Variants in ZNF726 observed in about 807,000 individuals in gnomAD.
ZNF726 encodes the protein zinc finger protein 92 pseudogene 3.
Under a neutral mutation model 11.6 loss-of-function variants are expected in ZNF726, and 15 were observed. That is an observed-to-expected ratio of 1.29 (90% confidence interval 0.86 to 1.99). The LOEUF is 1.99. Among genes scored for constraint, ZNF726 ranks in the 30% most tolerant of loss-of-function variants. The pLI is 0.00. For missense variants in ZNF726, 890 were observed against 725.6 expected (o/e 1.23, Z -2.60); for synonymous variants, 295 against 243.6 (o/e 1.21, Z -1.96).
chr19:23,934,774 CCT>C (rs1396251542), downstream of ZNF726, among the ~76,000 whole-genome samples: 1 of 152,146 alleles, frequency 6.6e-6, no homozygotes, highest in Non-Finnish European at 1.5e-5. Flanking sequence ...GAAAAGGCTC[CCT>C]CTCTCACAGA....
intron 3 of ZNF726, among the ~76,000 whole-genome samples, chr19:23,942,151 T>G (rs1031964346): frequency 6.6e-6 from 1 of 152,144 alleles, no homozygotes; most frequent in Non-Finnish European, 1.5e-5. Context: ...AGGTTTTGAT[T>G]GGTTGTGTCA....
At chr19:23,940,191 T>C (rs1367433606) in intron 3 of ZNF726, among the ~76,000 whole-genome samples, 1 of 152,196 alleles carries the variant, frequency 6.6e-6, no homozygotes, top group East Asian at 1.9e-4. Context: ...TTGATTTTCA[T>C]ATAAGGTGAG....
At chr19:23,925,335 T>C (rs904163191) in intron 3 of ZNF726, among the ~76,000 whole-genome samples, 1 of 152,132 alleles carries the variant, frequency 6.6e-6, no homozygotes, top group African/African-American at 2.4e-5. Flanking sequence ...ACATCTTTAT[T>C]TTCCACCGAC....
At chr19:23,939,164 C>T (rs938653018), downstream of ZNF726, among the ~76,000 whole-genome samples, 8 of 151,100 alleles carry the variant, frequency 5.3e-5, no homozygotes, top group African/African-American at 1.7e-4. Flanking sequence ...TTTTATCATT[C>T]TTATACCTTT....
rs944943097 is a variant in ZNF726, at chr19:23,934,389, A to G, written c.*422A>G. On this transcript the variant is annotated 3_prime_UTR_variant, in exon 4 of 4. Transcript: ENST00000594466. ...ATTCATACTGAAGAGAAACCCTACA[A>G]ATGTGAAAAATGTGTCAAAGCCTTT... is the stretch of plus-strand genomic sequence containing the variant. The G allele has an allele frequency of 4.0e-6, 2 of 501,098 alleles. No individual in the cohort carries two copies. Among genetic ancestry groups the G allele is most frequent in the African/African-American group, 3.9e-5 (2 of 50,856 alleles). 31.0% of individuals were successfully genotyped at this position (501,098 alleles called of 1,614,324 possible). A position where few individuals can be genotyped will look rare whatever the true frequency, so the allele number is the denominator to read the frequency against.
chr19:23,918,167 T>C (rs1967750565), intron 1 of ZNF726, among the ~76,000 whole-genome samples: 1 of 152,054 alleles, frequency 6.6e-6, no homozygotes, highest in African/African-American at 2.4e-5. Context: ...GCTCCATACA[T>C]AAGAACTGGC....
chr19:23,935,267 G>A (rs1218083892), downstream of ZNF726: 5 of 481,934 alleles, frequency 1.0e-5, no homozygotes, highest in Middle Eastern at 3.2e-4. Flanking sequence ...TTAAACATAA[G>A]GTAATTCATA....
intron 3 of ZNF726, among the ~76,000 whole-genome samples, chr19:23,926,606 T>C (rs1001676713): frequency 5.2e-4 from 79 of 151,404 alleles, no homozygotes; most frequent in African/African-American, 1.9e-3. Context: ...TTCCTATGTC[T>C]AATGAAAAGA....
Position 23,933,718 on chromosome 19 carries a change from G to T in ZNF726, c.1602G>T (p.Glu534Asp). Reference sequence around the variant, plus strand: ...AACATAAGAGGATTCACACTGGAGAGAAACCCTACAAATGTGAAGAATGTG... The same window carrying T: ...AACATAAGAGGATTCACACTGGAGATAAACCCTACAAATGTGAAGAATGTG... ...LSKHKRIHTG[E>D]KPYKCEECGK... Residue 534 changes from glutamate to aspartate, a missense_variant, in exon 4 of 4, where the codon GAG (glutamate) becomes GAT (aspartate). Coordinates refer to ENST00000594466, the MANE Select transcript of ZNF726 (RefSeq NM_001244038.2). 1 of 1,612,448 alleles carries T rather than the reference G, an allele frequency of 6.2e-7. No homozygotes were observed. Among genetic ancestry groups the T allele is most frequent in the Non-Finnish European group, 8.5e-7 (1 of 1,179,970 alleles).
At chr19:23,926,569 CAAAAAA>C (rs76766569) in intron 3 of ZNF726, among the ~76,000 whole-genome samples, 5 of 114,294 alleles carry the variant, frequency 4.4e-5, no homozygotes, top group Non-Finnish European at 3.7e-5. Context: ...GACTCTGTTC[CAAAAAA>C]AAAAAAAAAA....
chr19:23,925,573 G>C (rs1967965026), intron 3 of ZNF726, among the ~76,000 whole-genome samples: 1 of 151,896 alleles, frequency 6.6e-6, no homozygotes, highest in Admixed American at 6.6e-5. Flanking sequence ...AGTGTGAGGG[G>C]ATTTTGTTTT....
rs1441538312 is a variant in ZNF726, at chr19:23,922,834, C to T, written c.226+2752C>T. ...ATGTAGTTTTCATTACAGGTGTGAACCATGATGCCTGGTTCTCTCATAAAA... is the reference window on the plus strand; with the variant it reads ...ATGTAGTTTTCATTACAGGTGTGAATCATGATGCCTGGTTCTCTCATAAAA... On this transcript the variant is annotated intron_variant, in intron 3 of 3. Coordinates refer to ENST00000594466, the MANE Select transcript of ZNF726 (RefSeq NM_001244038.2). Among the ~76,000 whole-genome samples, 4 of 152,002 alleles carry T rather than the reference C, an allele frequency of 2.6e-5. No individual in the cohort carries two copies. In the East Asian group the frequency reaches 5.8e-4, roughly 22 times the overall value.
At chr19:23,943,370 C>G in intron 3 of ZNF726, 1 of 421,228 alleles carries the variant, frequency 2.4e-6, no homozygotes, top group Non-Finnish European at 4.2e-6. Flanking sequence ...AAGGTTCTAT[C>G]AGAAAACAGT....
chr19:23,931,031 C>A (rs905096556), intron 3 of ZNF726, among the ~76,000 whole-genome samples: 3 of 152,146 alleles, frequency 2.0e-5, no homozygotes, highest in Non-Finnish European at 2.9e-5. Flanking sequence ...AGTGCAGTGG[C>A]GTGATCTCAG....
downstream of ZNF726, among the ~76,000 whole-genome samples, chr19:23,937,070 G>A (rs1339837812): frequency 6.7e-6 from 1 of 149,954 alleles, no homozygotes; most frequent in Admixed American, 6.6e-5. Context: ...GAACGGGGCG[G>A]CTGGCCGGGC....
At chr19:23,931,608 T>C (rs1024055675) in intron 3 of ZNF726, among the ~76,000 whole-genome samples, 1 of 152,220 alleles carries the variant, frequency 6.6e-6, no homozygotes, top group African/African-American at 2.4e-5. Flanking sequence ...AATCTACCTG[T>C]CAAAATTTTT....
rs759190836 is a variant in ZNF726, at chr19:23,932,694, G to T, written c.578G>T (p.Ser193Ile). ...CMFSHKTQHK[S>I]IYTTEKSYKC... ...TTTTCACACAAAACCCAGCATAAAA[G>T]CATATATACTACAGAGAAGTCCTAC... Residue 193 changes from serine (S) to isoleucine (I), a missense_variant, in exon 4 of 4, where the codon AGC (serine) becomes ATC (isoleucine). Transcript: ENST00000594466. The T allele has an allele frequency of 3.8e-6, 6 of 1,598,118 alleles. No individual in the cohort carries two copies. The African/African-American group carries it at 8.1e-5, about 22-fold the overall frequency.
At chr19:23,935,392 T>A (rs757467965), downstream of ZNF726, 25 of 524,652 alleles carry the variant, frequency 4.8e-5, no homozygotes, top group Non-Finnish European at 8.4e-5. Flanking sequence ...TGGGAAAAAA[T>A]TGGCAAAGCC....
At chr19:23,925,768 G>A (rs1311158161) in intron 3 of ZNF726, among the ~76,000 whole-genome samples, 1 of 141,450 alleles carries the variant, frequency 7.1e-6, no homozygotes, top group Non-Finnish European at 1.5e-5. Flanking sequence ...CCAGGCTGAA[G>A]TGCAATGGTG....
Sources: gnomAD v4.1 joint callset for allele counts (sites outside exome capture counted in the v4.1 genomes callset) on GRCh38, gnomAD v4.1.1 for gene constraint, MANE v1.5 for transcripts, NCBI Gene and HGNC (gene_info 2026-07-23, HGNC 2026-07-21) for gene names.